The following EMB variants were observed in gnomAD, a reference collection of about 807,000 sequenced individuals.
The protein encoded by EMB is embigin homolog.
A neutral mutation model predicts 41.4 loss-of-function variants in EMB; 31 were observed. That is an observed-to-expected ratio of 0.75 (90% confidence interval 0.56 to 1.01). The LOEUF (loss-of-function observed/expected upper bound fraction) is 1.01, where lower values mean the gene tolerates loss of function less well. Among genes scored for constraint, EMB ranks in the 50% least tolerant of loss-of-function variants. EMB has a pLI of 0.00. For missense variants in EMB, 379 were observed against 388.3 expected, an observed-to-expected ratio of 0.98 and a Z score of 0.20; for synonymous variants, 137 against 140.4, an observed-to-expected ratio of 0.98 and a Z score of 0.17.
intron 2 of EMB, among the ~76,000 whole-genome samples, chr5:50,422,699 A>G (rs1745544208): frequency 6.6e-6 from 1 of 152,248 alleles, no homozygotes; most frequent in African/African-American, 2.4e-5. Flanking sequence ...CACAACTAAA[A>G]AACACCACAT....
At chr5:50,422,960 C>T (rs1313259955) in intron 2 of EMB, among the ~76,000 whole-genome samples, 2 of 152,176 alleles carry the variant, frequency 1.3e-5, no homozygotes, top group Non-Finnish European at 2.9e-5. Flanking sequence ...CCTAGAGAAA[C>T]ATTCACAATT....
Position 50,411,164 on chromosome 5 carries a change from G to A in EMB, c.383+33C>T, listed in dbSNP as rs768182316. Reference sequence around the variant, plus strand: ...AATATTTAGAATTAAGCTACTTTTGGTGAGCAAGGTAGGTTAAAATTTGTA... The same window carrying A: ...AATATTTAGAATTAAGCTACTTTTGATGAGCAAGGTAGGTTAAAATTTGTA... On this transcript the variant is annotated intron_variant, in intron 3 of 8. Transcript: ENST00000303221. The A allele has an allele frequency of 2.6e-6, 4 of 1,538,316 alleles. No individual in the cohort carries two copies. The Admixed American group carries it at 8.2e-5, about 31-fold the overall frequency.
At position 50,428,238 on chromosome 5, in the gene EMB, A is replaced by G. The variant is rs951588084; in HGVS notation, c.113-11T>C. 1.3e-6 allele frequency: 2 copies of G among 1,578,706 alleles called. No homozygotes were observed. The highest frequency in any genetic ancestry group is 2.7e-5 in the African/African-American group (2 of 74,076). ...TTGTAAAAGGCGAATCTATAAGAGAAAGAACACATGATTACACACTCTTAT... is the reference window on the plus strand; with the variant it reads ...TTGTAAAAGGCGAATCTATAAGAGAGAGAACACATGATTACACACTCTTAT... On this transcript the variant is annotated splice_polypyrimidine_tract_variant and intron_variant, in intron 1 of 8. Coordinates refer to ENST00000303221, the MANE Select transcript of EMB (RefSeq NM_198449.3).
At chr5:50,417,666 A>C (rs1390842164) in intron 2 of EMB, among the ~76,000 whole-genome samples, 11 of 152,222 alleles carry the variant, frequency 7.2e-5, no homozygotes, top group Non-Finnish European at 1.6e-4. Flanking sequence ...TTTTATATGT[A>C]TATAAAATCT....
At chr5:50,409,366 C>T (rs569595241) in intron 4 of EMB, among the ~76,000 whole-genome samples, 14 of 151,930 alleles carry the variant, frequency 9.2e-5, no homozygotes, top group Non-Finnish European at 2.1e-4. Context: ...GTATATATTT[C>T]CAGAGCACAA....
chr5:50,406,045 T>C (rs1345814609), intron 4 of EMB, among the ~76,000 whole-genome samples, 193 bp from the exon 5 acceptor site: 3 of 151,904 alleles, frequency 2.0e-5, no homozygotes, highest in South Asian at 4.1e-4. Flanking sequence ...AGATTCGATA[T>C]AATTGTCTCC....
intron 2 of EMB, among the ~76,000 whole-genome samples, chr5:50,417,542 G>A (rs1461980934): frequency 1.3e-5 from 2 of 152,104 alleles, no homozygotes; most frequent in African/African-American, 2.4e-5. Flanking sequence ...TAAAACACAC[G>A]TGCTTCCTGA....
At chr5:50,427,403 A>G (rs1745629655) in intron 2 of EMB, among the ~76,000 whole-genome samples, 1 of 152,084 alleles carries the variant, frequency 6.6e-6, no homozygotes, top group South Asian at 2.1e-4. Context: ...ATGGAAATGT[A>G]ACCATTCAGT....
intron 1 of EMB, among the ~76,000 whole-genome samples, chr5:50,439,396 C>T (rs1745858357): frequency 6.6e-6 from 1 of 152,060 alleles, no homozygotes. Flanking sequence ...TAGCTCACTG[C>T]AGCCTCAAAC....
intron 7 of EMB, 124 bp from the exon 8 acceptor site, chr5:50,400,037 C>T: frequency 1.6e-6 from 1 of 626,954 alleles, no homozygotes; most frequent in Non-Finnish European, 2.6e-6. Context: ...TTCTTTCTTC[C>T]TAAAAATGTT....
intron 2 of EMB, among the ~76,000 whole-genome samples, chr5:50,424,091 A>G (rs1222709414): frequency 6.6e-6 from 1 of 152,110 alleles, no homozygotes; most frequent in Admixed American, 6.5e-5. Context: ...TTAAAACTCA[A>G]ATATCTTGGC....
intron 2 of EMB, among the ~76,000 whole-genome samples, chr5:50,421,459 A>C (rs910417892): frequency 1.3e-5 from 2 of 152,136 alleles, no homozygotes; most frequent in South Asian, 2.1e-4. Context: ...ACTGTAAACT[A>C]GTTCAACCAT....
intron 2 of EMB, among the ~76,000 whole-genome samples, chr5:50,413,779 T>C (rs1745383391): frequency 6.6e-6 from 1 of 152,056 alleles, no homozygotes; most frequent in Non-Finnish European, 1.5e-5. Flanking sequence ...GGTTTCACCA[T>C]GTTGGCCAGG....
chr5:50,420,266 G>C (rs1231743454), intron 2 of EMB, among the ~76,000 whole-genome samples: 1 of 152,142 alleles, frequency 6.6e-6, no homozygotes, highest in Non-Finnish European at 1.5e-5. Context: ...CAAGATAAGG[G>C]CTCATAAATA....
chr5:50,421,388 A>G (rs550852472), intron 2 of EMB, among the ~76,000 whole-genome samples: 318 of 152,276 alleles, frequency 2.1e-3, no homozygotes, highest in Non-Finnish European at 3.3e-3. Flanking sequence ...TAAAAAGTCA[A>G]GAAACAACAG....
chr5:50,423,837 A>T (rs953844163), intron 2 of EMB, among the ~76,000 whole-genome samples: 1 of 152,224 alleles, frequency 6.6e-6, no homozygotes, highest in Non-Finnish European at 1.5e-5. Context: ...GTTTAAAAAA[A>T]TTATTTTTAT....
chr5:50,435,460 G>C (rs1458639285), intron 1 of EMB, among the ~76,000 whole-genome samples: 2 of 152,104 alleles, frequency 1.3e-5, no homozygotes, highest in Non-Finnish European at 2.9e-5. Flanking sequence ...CTTCACTCTG[G>C]ACCTGTGACA....
chr5:50,440,029 G>C (rs180677843), intron 1 of EMB, among the ~76,000 whole-genome samples: 10 of 152,268 alleles, frequency 6.6e-5, no homozygotes, highest in African/African-American at 2.2e-4. Context: ...TGTTGGCTTT[G>C]TTAATGTTTT....
chr5:50,428,267 G>C, intron 1 of EMB, 40 bp from the exon 2 acceptor site: 2 of 1,469,012 alleles, frequency 1.4e-6, no homozygotes, highest in South Asian at 1.2e-5. Flanking sequence ...CTCTTATCAA[G>C]AGTAAATGAC....
Sources: allele counts gnomAD v4.1 joint callset (sites outside exome capture counted in the v4.1 genomes callset), GRCh38; gene constraint gnomAD v4.1.1; transcripts MANE v1.5; gene names NCBI Gene and HGNC (gene_info 2026-07-23, HGNC 2026-07-21).